Variants in NECTIN1 observed in about 807,000 individuals in gnomAD.
The protein encoded by NECTIN1 is nectin cell adhesion molecule 1.
In NECTIN1, 23 loss-of-function variants were observed where a neutral mutation model predicts 48.0. That is an observed-to-expected ratio of 0.48 (90% CI 0.34 to 0.68). The LOEUF (loss-of-function observed/expected upper bound fraction) is 0.68. Ranked by LOEUF, NECTIN1 falls within the 30% of genes least tolerant of loss-of-function variation. The probability of loss-of-function intolerance (pLI) is 0.01; values close to 1 mark genes in which losing one functional copy is unlikely to be tolerated. For missense variants in NECTIN1, 591 were observed against 709.9 expected (o/e 0.83, Z 1.90); for synonymous variants, 270 against 288.9 (o/e 0.93, Z 0.66).
At chr11:119,698,954 C>T (rs566617788) in intron 1 of NECTIN1, among the ~76,000 whole-genome samples, 1 of 152,280 alleles carries the variant, frequency 6.6e-6, no homozygotes, top group African/African-American at 2.4e-5. Context: ...CTAAGCTGCC[C>T]TGTGCCAGCC....
chr11:119,676,533 C>T (rs1864951463), intron 4 of NECTIN1, among the ~76,000 whole-genome samples: 1 of 152,170 alleles, frequency 6.6e-6, no homozygotes, highest in South Asian at 2.1e-4. Flanking sequence ...AGCCTTGGCC[C>T]CAGCTGTCAG....
At chr11:119,639,873 A>G (rs771549215) in exon 6 of NECTIN1, 1 of 1,613,914 alleles carries the variant, frequency 6.2e-7, no homozygotes. Flanking sequence ...ACCCGGCCCC[A>G]TCCGTCTCCG....
At chr11:119,688,326 G>C (rs1865194274) in intron 1 of NECTIN1, among the ~76,000 whole-genome samples, 1 of 152,086 alleles carries the variant, frequency 6.6e-6, no homozygotes, top group South Asian at 2.1e-4. Flanking sequence ...ACGTGCTCTG[G>C]TTCCCTGATT....
rs1430495727 is a variant in NECTIN1, at chr11:119,728,755, G to T, written c.-202C>A. On this transcript the variant is annotated 5_prime_UTR_variant, in exon 1 of 6. It adds an upstream start codon to the 5' untranslated region. Transcript: ENST00000264025. ...CGGGCCCCGGGCCGCCGCCGGCTCA[G>T]AGGCTCGGCAGATGCCCGCCGCAAG... The T allele has an allele frequency of 2.2e-6, 1 of 451,048 alleles. No homozygotes were observed. The highest frequency in any genetic ancestry group is 3.9e-6 in the Non-Finnish European group (1 of 256,474). The allele number at this position is 451,048 out of a possible 1,614,324, so 27.9% of individuals were successfully genotyped here.
At chr11:119,671,817 A>T (rs1864864925) in intron 5 of NECTIN1, among the ~76,000 whole-genome samples, 2 of 152,148 alleles carry the variant, frequency 1.3e-5, no homozygotes, top group Admixed American at 1.3e-4. Context: ...GGAGAACCGA[A>T]TCCTCCCAGA....
chr11:119,690,440 T>A (rs1482282309), intron 1 of NECTIN1, among the ~76,000 whole-genome samples: 1 of 152,178 alleles, frequency 6.6e-6, no homozygotes, highest in Non-Finnish European at 1.5e-5. Context: ...TGTGCTTCAA[T>A]GACCAGGGGC....
At chr11:119,688,332 T>C (rs1865194319) in intron 1 of NECTIN1, among the ~76,000 whole-genome samples, 1 of 152,152 alleles carries the variant, frequency 6.6e-6, no homozygotes, top group Non-Finnish European at 1.5e-5. Flanking sequence ...TCTGGTTCCC[T>C]GATTCCCATC....
At chr11:119,726,339 C>T (rs1865906791) in intron 1 of NECTIN1, among the ~76,000 whole-genome samples, 1 of 152,184 alleles carries the variant, frequency 6.6e-6, no homozygotes, top group Non-Finnish European at 1.5e-5. Flanking sequence ...TATCCACCTG[C>T]CTCCCTGCAC....
At chr11:119,694,492 G>C (rs567471645) in intron 1 of NECTIN1, among the ~76,000 whole-genome samples, 8 of 152,348 alleles carry the variant, frequency 5.3e-5, no homozygotes, top group Admixed American at 2.0e-4. Flanking sequence ...GTTGGTGGTA[G>C]GCAGGCAGTT....
At chr11:119,698,395 C>G (rs1340573612) in intron 1 of NECTIN1, among the ~76,000 whole-genome samples, 1 of 152,248 alleles carries the variant, frequency 6.6e-6, no homozygotes, top group Non-Finnish European at 1.5e-5. Context: ...TCTACCATTT[C>G]CCCCTGGGAA....
rs1865926336 is a variant in NECTIN1, at chr11:119,727,387, G to A, written c.79+1088C>T. Among the ~76,000 whole-genome samples the A allele has an allele frequency of 6.6e-6, 1 of 151,828 alleles. No individual in the cohort carries two copies. The highest frequency in any genetic ancestry group is 2.4e-5 in the African/African-American group (1 of 41,292). On this transcript the variant is annotated intron_variant, in intron 1 of 5. Transcript: ENST00000264025. This position sits in a 1 kb window ranked among gnomAD's most constrained non-coding sequence, Gnocchi z 4.1. ...GGACCACGTGCTCCAGTCAAGATCC[G>A]CCCCCCTCCCCAAAATCCCATCTTG... is the stretch of plus-strand genomic sequence containing the variant.
chr11:119,680,154 G>A (rs1198864516), intron 1 of NECTIN1, among the ~76,000 whole-genome samples: 2 of 152,190 alleles, frequency 1.3e-5, no homozygotes, highest in Non-Finnish European at 2.9e-5. Flanking sequence ...CTCCACATGG[G>A]TTGTGTTATC....
At chr11:119,655,177 C>T (rs1864552251) in intron 5 of NECTIN1, among the ~76,000 whole-genome samples, 1 of 151,736 alleles carries the variant, frequency 6.6e-6, no homozygotes, top group Admixed American at 6.6e-5. Flanking sequence ...TCCCAAAGTG[C>T]TGGGATTACA....
Position 119,661,617 on chromosome 11 carries a change from C to T in NECTIN1, c.*3130G>A. 3.0e-6 allele frequency: 3 copies of T among 985,890 alleles called. No individual in the cohort carries two copies. The highest frequency in any genetic ancestry group is 3.6e-6 in the Non-Finnish European group (3 of 829,950). The allele number at this position is 985,890 out of a possible 1,614,324, so 61.1% of individuals were successfully genotyped here. ...ACCCACCTAACACAATTCCCAATTT[C>T]TCTGCTCTGAGGAAGGCAGAAAAGT... On this transcript the variant is annotated 3_prime_UTR_variant, in exon 6 of 6. Coordinates refer to ENST00000264025, the MANE Select transcript of NECTIN1 (RefSeq NM_002855.5).
chr11:119,719,886 C>T (rs1467147645), intron 1 of NECTIN1, among the ~76,000 whole-genome samples: 6 of 152,046 alleles, frequency 3.9e-5, no homozygotes, highest in Admixed American at 6.6e-5. Context: ...GCGGGGGGAG[C>T]GGGTCATGAA....
At chr11:119,718,669 C>T (rs566404317) in intron 1 of NECTIN1, among the ~76,000 whole-genome samples, 5 of 152,216 alleles carry the variant, frequency 3.3e-5, no homozygotes, top group African/African-American at 9.6e-5. Flanking sequence ...CTGGTCTCAC[C>T]GTGAGACATG....
In NECTIN1 at chr11:119,677,911, G is replaced by A; in HGVS notation, c.431-54C>T. On this transcript the variant is annotated intron_variant, in intron 2 of 5. Transcript: ENST00000264025. This position sits in a 1 kb window ranked among gnomAD's most constrained non-coding sequence, Gnocchi z 5.4. ...CTAGCCCTGTTGACTTGTCCAAGAT[G>A]CACCGGCCAAAAGGGCGTGGCATCC... is the stretch of plus-strand genomic sequence containing the variant. 2.5e-6 allele frequency: 4 copies of A among 1,574,510 alleles called. No homozygotes were observed. The highest frequency in any genetic ancestry group is 2.6e-6 in the Non-Finnish European group (3 of 1,148,444).
At chr11:119,685,876 CTGTA>C (rs1865146152) in intron 1 of NECTIN1, among the ~76,000 whole-genome samples, 1 of 152,168 alleles carries the variant, frequency 6.6e-6, no homozygotes, top group Non-Finnish European at 1.5e-5. Context: ...GTTTCCTTTG[CTGTA>C]AAATGGGGAA....
In NECTIN1 at chr11:119,728,703, C is replaced by CGGGGGGGGGG; in HGVS notation, c.-151_-150insCCCCCCCCCC. The CGGGGGGGGGG allele has an allele frequency of 6.9e-6, 1 of 145,534 alleles. No homozygotes were observed. Among genetic ancestry groups the CGGGGGGGGGG allele is most frequent in the South Asian group, 1.1e-4 (1 of 9,520 alleles). The allele number at this position is 145,534 out of a possible 1,614,324, so 9.0% of individuals were successfully genotyped here. A position where few individuals can be genotyped will look rare whatever the true frequency, so the allele number is the denominator to read the frequency against. On this transcript the variant is annotated 5_prime_UTR_variant, in exon 1 of 6. Coordinates refer to ENST00000264025, the MANE Select transcript of NECTIN1 (RefSeq NM_002855.5). ...CAGCCGTCGGCCGGGGCGGGGTGGG[C>CGGGGGGGGGG]TGGGTGGGATCCGCGCGGCCGCAGT...
Sources: allele counts gnomAD v4.1 joint callset (sites outside exome capture counted in the v4.1 genomes callset), GRCh38; gene constraint gnomAD v4.1.1; non-coding constraint Gnocchi (gnomAD v3.1); transcripts MANE v1.5; gene names NCBI Gene and HGNC (gene_info 2026-07-23, HGNC 2026-07-21).